Variants in GAL3ST2 observed in about 807,000 individuals in gnomAD.
GAL3ST2 encodes the protein beta-galactose-3-O-sulfotransferase 2.
A neutral mutation model predicts 12.9 loss-of-function variants in GAL3ST2; 16 were observed. The observed-to-expected ratio is 1.24, with a 90% CI of 0.84 to 1.88. GAL3ST2 has a LOEUF of 1.88. GAL3ST2 is among the 40% of genes most tolerant of loss of function. The pLI is 0.00. For missense variants in GAL3ST2, 639 were observed against 571.8 expected (o/e 1.12, Z -1.20); for synonymous variants, 302 against 273.9 (o/e 1.10, Z -1.01).
intron 1 of GAL3ST2, among the ~76,000 whole-genome samples, chr2:241,788,087 G>T (rs909314148): frequency 6.6e-6 from 1 of 152,108 alleles, no homozygotes; most frequent in Non-Finnish European, 1.5e-5. Flanking sequence ...CCAGTACCAA[G>T]GACTCTAGAG....
rs1347509596 is a variant in GAL3ST2, at chr2:241,801,411, T to C, written c.120-370T>C. 2 of 297,078 alleles carry C rather than the reference T, an allele frequency of 6.7e-6. No homozygotes were observed. The highest frequency in any genetic ancestry group is 1.3e-5 in the Non-Finnish European group (2 of 157,692). 18.4% of individuals were successfully genotyped at this position (297,078 alleles called of 1,614,324 possible). On this transcript the variant is annotated intron_variant, in intron 2 of 3. Coordinates refer to ENST00000192314, the MANE Select transcript of GAL3ST2 (RefSeq NM_022134.3). The surrounding 1 kb of genome is among the most constrained non-coding windows in gnomAD (Gnocchi z 4.4). ...GGTCTAAACCGCAAAGGGGAGGGGG[T>C]GTGACGAGGCGTCTACCTCCCATCC... is the stretch of plus-strand genomic sequence containing the variant.
At chr2:241,785,552 C>CAAA (rs80247515) in intron 1 of GAL3ST2, among the ~76,000 whole-genome samples, 1 of 72,820 alleles carries the variant, frequency 1.4e-5, no homozygotes, top group Non-Finnish European at 2.9e-5. Flanking sequence ...AACTCCGTCT[C>CAAA]AAAAAAAAAA....
rs1416882091 is a variant in GAL3ST2, at chr2:241,801,772, C to T, written c.120-9C>T. 1 of 1,610,528 alleles carries T rather than the reference C, an allele frequency of 6.2e-7. No individual in the cohort carries two copies. The highest frequency in any genetic ancestry group is 1.7e-5 in the Admixed American group (1 of 59,962). On this transcript the variant is annotated splice_polypyrimidine_tract_variant and intron_variant, in intron 2 of 3. Transcript: ENST00000192314. This position sits in a 1 kb window ranked among gnomAD's most constrained non-coding sequence, Gnocchi z 4.4. The stretch of plus-strand genomic sequence containing the variant: ...CCTTGCTGAAGGCTGCGTGTGCCTT[C>T]CCTCCCAGCCTGTTTGGGGGCCAGG...
At chr2:241,783,179 T>G (rs1368147446) in intron 1 of GAL3ST2, among the ~76,000 whole-genome samples, 4 of 152,062 alleles carry the variant, frequency 2.6e-5, no homozygotes, top group Non-Finnish European at 4.4e-5. Context: ...AATCTCAATT[T>G]TTTTTCCTAA....
At chr2:241,792,413 T>G (rs1266706423) in intron 1 of GAL3ST2, among the ~76,000 whole-genome samples, 1 of 151,942 alleles carries the variant, frequency 6.6e-6, no homozygotes, top group Non-Finnish European at 1.5e-5. Context: ...CCAGACAACT[T>G]AAACTTCAGA....
rs1013579195 is a variant in GAL3ST2 at position 241,804,228 on chromosome 2, G to A, written c.*62G>A. 2.3e-6 allele frequency: 3 copies of A among 1,318,920 alleles called. No homozygotes were observed. Among genetic ancestry groups the A allele is most frequent in the African/African-American group, 1.6e-5 (1 of 64,200 alleles). 81.7% of individuals were successfully genotyped at this position (1,318,920 alleles called of 1,614,324 possible). A position where few individuals can be genotyped will look rare whatever the true frequency, so the allele number is the denominator to read the frequency against. ...CAGCTCCTCTCTCCGCCGTCACCGGGGAGGCCGGGGATCCTTGCAGGGCTT... is the reference window on the plus strand; with the variant it reads ...CAGCTCCTCTCTCCGCCGTCACCGGAGAGGCCGGGGATCCTTGCAGGGCTT... On this transcript the variant is annotated 3_prime_UTR_variant, in exon 4 of 4. Coordinates refer to ENST00000192314, the MANE Select transcript of GAL3ST2 (RefSeq NM_022134.3).
In GAL3ST2 at chr2:241,793,681, GTA is replaced by G. The variant is rs1559415739; in HGVS notation, c.30-5382_30-5381del. Reference sequence around the variant, plus strand: ...ATATGTGTGTGTATGCACATATTGTGTATGTGTGTGTATATGTGTATGTACGT... The same window carrying G: ...ATATGTGTGTGTATGCACATATTGTGTGTGTGTGTATATGTGTATGTACGT... On this transcript the variant is annotated intron_variant, in intron 1 of 3. Transcript: ENST00000192314. The surrounding 1 kb of genome is among the most constrained non-coding windows in gnomAD (Gnocchi z 4.7). Among the ~76,000 whole-genome samples the G allele has an allele frequency of 1.3e-5, 2 of 151,386 alleles. No homozygotes were observed. Among genetic ancestry groups the G allele is most frequent in the Admixed American group, 1.3e-4 (2 of 15,192 alleles).
intron 1 of GAL3ST2, among the ~76,000 whole-genome samples, chr2:241,794,223 C>T (rs779523050): frequency 6.6e-6 from 1 of 152,168 alleles, no homozygotes; most frequent in Non-Finnish European, 1.5e-5. Context: ...GCTGGGATCA[C>T]AGGTGTGAGC....
chr2:241,799,995 C>T (rs1461663813), intron 2 of GAL3ST2, among the ~76,000 whole-genome samples: 2 of 152,236 alleles, frequency 1.3e-5, no homozygotes, highest in African/African-American at 2.4e-5. Context: ...TGTGAAGGGA[C>T]AAGAAGCACT....
chr2:241,795,413 A>G lies in GAL3ST2; in HGVS notation c.30-3652A>G, dbSNP rs1248928278. On this transcript the variant is annotated intron_variant, in intron 1 of 3. Coordinates refer to ENST00000192314, the MANE Select transcript of GAL3ST2 (RefSeq NM_022134.3). The surrounding 1 kb of genome is among the most constrained non-coding windows in gnomAD (Gnocchi z 4.5). ...TAAGTGTGAAAGCAGCATCTCAAACAGATGGCCAGTGCGTCCCATAAAAGT... is the reference window on the plus strand; with the variant it reads ...TAAGTGTGAAAGCAGCATCTCAAACGGATGGCCAGTGCGTCCCATAAAAGT... Among the ~76,000 whole-genome samples, 1 of 152,222 alleles carries G rather than the reference A, an allele frequency of 6.6e-6. No individual in the cohort carries two copies. Among genetic ancestry groups the G allele is most frequent in the East Asian group, 1.9e-4 (1 of 5,190 alleles).
At chr2:241,782,808 A>C (rs1327983687) in intron 1 of GAL3ST2, among the ~76,000 whole-genome samples, 1 of 152,212 alleles carries the variant, frequency 6.6e-6, no homozygotes, top group African/African-American at 2.4e-5. Context: ...TTAAAAGTGC[A>C]TACAGAGAGA....
At chr2:241,784,019 C>T (rs1202334535) in intron 1 of GAL3ST2, among the ~76,000 whole-genome samples, 1 of 151,224 alleles carries the variant, frequency 6.6e-6, no homozygotes, top group African/African-American at 2.4e-5. Flanking sequence ...GATCATTAAA[C>T]AAATATTAAT....
At chr2:241,786,280 AAAAAACAAC>A (rs1699627450) in intron 1 of GAL3ST2, among the ~76,000 whole-genome samples, 1 of 152,094 alleles carries the variant, frequency 6.6e-6, no homozygotes, top group Non-Finnish European at 1.5e-5. Context: ...AAAAAGACTG[AAAAAACAAC>A]AAAAACAGAG....
At chr2:241,787,328 G>A (rs547892446) in intron 1 of GAL3ST2, among the ~76,000 whole-genome samples, 14 of 152,106 alleles carry the variant, frequency 9.2e-5, no homozygotes, top group Admixed American at 6.6e-4. Flanking sequence ...TAACTGAGAC[G>A]TGTCTCAAAT....
In GAL3ST2 at chr2:241,793,435, G is replaced by A. The variant is rs902017804; in HGVS notation, c.30-5630G>A. Among the ~76,000 whole-genome samples the A allele has an allele frequency of 9.9e-5, 15 of 151,102 alleles. No individual in the cohort carries two copies. The highest frequency in any genetic ancestry group is 6.8e-3 in the Middle Eastern group (2 of 294). ...ACATGTACGTGTGTATATTGTGTACGTGTATGTATGTACTGTGTATGCGTG... is the reference window on the plus strand; with the variant it reads ...ACATGTACGTGTGTATATTGTGTACATGTATGTATGTACTGTGTATGCGTG... On this transcript the variant is annotated intron_variant, in intron 1 of 3. Coordinates refer to ENST00000192314, the MANE Select transcript of GAL3ST2 (RefSeq NM_022134.3). This position sits in a 1 kb window ranked among gnomAD's most constrained non-coding sequence, Gnocchi z 4.7.
In GAL3ST2 at chr2:241,795,568, C is replaced by G. The variant is rs982478582; in HGVS notation, c.30-3497C>G. ...GAGAAACCCTGCTGGTGAAGTCCTG[C>G]GTGGGCCTTATCAGTGAGTTAATCT... On this transcript the variant is annotated intron_variant, in intron 1 of 3. Coordinates refer to ENST00000192314, the MANE Select transcript of GAL3ST2 (RefSeq NM_022134.3). The surrounding 1 kb of genome is among the most constrained non-coding windows in gnomAD (Gnocchi z 4.5). Among the ~76,000 whole-genome samples the G allele has an allele frequency of 6.6e-6, 1 of 152,202 alleles. No homozygotes were observed. The highest frequency in any genetic ancestry group is 1.5e-5 in the Non-Finnish European group (1 of 68,044).
chr2:241,789,861 CA>C (rs570570822), intron 1 of GAL3ST2, among the ~76,000 whole-genome samples: 10 of 140,692 alleles, frequency 7.1e-5, no homozygotes, highest in African/African-American at 1.3e-4. Context: ...GACTCCATCT[CA>C]AAAAAAAAAG....
At chr2:241,780,283 G>A (rs1409481529) in intron 1 of GAL3ST2, among the ~76,000 whole-genome samples, 1 of 152,164 alleles carries the variant, frequency 6.6e-6, no homozygotes, top group Non-Finnish European at 1.5e-5. Flanking sequence ...CACTTTGGGA[G>A]GCCGAGGTGG....
intron 1 of GAL3ST2, among the ~76,000 whole-genome samples, chr2:241,797,873 G>T (rs1699792012): frequency 1.3e-5 from 2 of 152,114 alleles, no homozygotes; most frequent in Non-Finnish European, 2.9e-5. Context: ...CCATGCAAAG[G>T]CCCCAGTCCA....
Sources: allele counts gnomAD v4.1 joint callset (sites outside exome capture counted in the v4.1 genomes callset), GRCh38; gene constraint gnomAD v4.1.1; non-coding constraint Gnocchi (gnomAD v3.1); transcripts MANE v1.5; gene names NCBI Gene and HGNC (gene_info 2026-07-23, HGNC 2026-07-21).